The following EIF4G3 variants were observed in gnomAD, a reference collection of about 807,000 sequenced individuals.
EIF4G3 encodes the protein eukaryotic translation initiation factor 4 gamma 3, also known as eIF-4-gamma 3.
A neutral mutation model predicts 186.4 loss-of-function variants in EIF4G3; 34 were observed. That is an observed-to-expected ratio of 0.18 (90% CI 0.14 to 0.24). The LOEUF (loss-of-function observed/expected upper bound fraction) is 0.24. Ranked by LOEUF, EIF4G3 falls within the 10% of genes least tolerant of loss-of-function variation. The pLI is 1.00. For synonymous variants in EIF4G3, 673 were observed against 679.5 expected, an observed-to-expected ratio of 0.99 and a Z score of 0.15; for missense variants, 1,536 against 1,948.5, an observed-to-expected ratio of 0.79 and a Z score of 3.99.
intron 30 of EIF4G3, among the ~76,000 whole-genome samples, chr1:20,831,601 C>T (rs2065210143): frequency 8.2e-6 from 1 of 121,814 alleles, no homozygotes; most frequent in Admixed American, 8.1e-5. Flanking sequence ...TTCCAATCAT[C>T]TTACTTTTTC....
At chr1:21,095,689 T>A (rs1287212810) in intron 2 of EIF4G3, among the ~76,000 whole-genome samples, 2 of 152,186 alleles carry the variant, frequency 1.3e-5, no homozygotes, top group Non-Finnish European at 2.9e-5. Context: ...CTGGCTCTGA[T>A]TTTCTATTAA....
At chr1:21,119,588 C>A (rs942155027) in intron 2 of EIF4G3, among the ~76,000 whole-genome samples, 2 of 151,888 alleles carry the variant, frequency 1.3e-5, no homozygotes, top group African/African-American at 4.8e-5. Context: ...CTTTATTTGG[C>A]AAACAAAAAG....
intron 12 of EIF4G3, 55 bp from the exon 13 acceptor site, chr1:20,950,166 G>T (rs1410205838): frequency 7.4e-7 from 1 of 1,354,690 alleles, no homozygotes; most frequent in Middle Eastern, 1.9e-4. Context: ...ATAAAAACTA[G>T]CAACATGGAA....
intron 5 of EIF4G3, 49 bp from the exon 6 acceptor site, chr1:21,001,361 G>A (rs890471402): frequency 1.5e-5 from 7 of 469,940 alleles, no homozygotes; most frequent in Non-Finnish European, 2.6e-5. Flanking sequence ...CAGGTTCTGC[G>A]CCAGTTCTAA....
chr1:21,172,112 C>G (rs924059033), intron 2 of EIF4G3, among the ~76,000 whole-genome samples: 8 of 78,152 alleles, frequency 1.0e-4, no homozygotes, highest in African/African-American at 3.3e-4. Flanking sequence ...CTGGTACCTC[C>G]TCTAGCAAAA....
chr1:21,050,761 T>C (rs2094163081), intron 4 of EIF4G3, 105 bp downstream of exon 4: 9 of 620,400 alleles, frequency 1.5e-5, no homozygotes, highest in Admixed American at 3.4e-5. Context: ...TTGAAATTAC[T>C]ATACAAGTAA....
chr1:20,904,910 A>G lies in EIF4G3; in HGVS notation c.1725T>C (p.Thr575=), dbSNP rs1434505047. 3.1e-6 allele frequency: 5 copies of G among 1,613,994 alleles called. No homozygotes were observed. Among genetic ancestry groups the G allele is most frequent in the Non-Finnish European group, 3.4e-6 (4 of 1,179,942 alleles). The change falls in exon 15 of 37, where the codon ACT becomes ACC. Residue 575 remains threonine (T), a synonymous_variant. Coordinates refer to ENST00000602326, the MANE Select transcript of EIF4G3 (RefSeq NM_001391906.1). ...WKKPKDRTRT[T]EEMLEAELEL... Reference sequence around the variant, plus strand: ...CCAATTCTGCCTCTAACATCTCTTCAGTGGTTCGGGTCCGATCTTTTGGTT... The same window carrying G: ...CCAATTCTGCCTCTAACATCTCTTCGGTGGTTCGGGTCCGATCTTTTGGTT...
rs932410024 is a variant in EIF4G3, at chr1:20,882,322, T to C, written c.2425-2802A>G. Among the ~76,000 whole-genome samples the C allele has an allele frequency of 2.6e-5, 4 of 152,082 alleles. No homozygotes were observed. The East Asian group carries it at 7.7e-4, about 29-fold the overall frequency. ...GGCCAGGAGTTTGGGCAACACTGCC[T>C]CTAAAAAATTTTTAGGCCCAGGAGC... On this transcript the variant is annotated intron_variant, in intron 19 of 36. Transcript: ENST00000602326.
intron 34 of EIF4G3, among the ~76,000 whole-genome samples, chr1:20,817,005 GGT>G (rs1553180332): frequency 6.9e-6 from 1 of 144,664 alleles, no homozygotes; most frequent in Non-Finnish European, 1.5e-5. Flanking sequence ...GATTAAGGGC[GGT>G]GCAAGATGTG....
At chr1:20,813,953 T>TG (rs1236717814) in intron 34 of EIF4G3, among the ~76,000 whole-genome samples, 24 of 136,406 alleles carry the variant, frequency 1.8e-4, no homozygotes, top group Non-Finnish European at 2.7e-4. Context: ...CACTGTTTTT[T>TG]TTTTTTTTTT....
chr1:20,943,974 TTGTGTGTGTGTGTGTGTGTGTGTGTG>T (rs1163268356), intron 13 of EIF4G3, among the ~76,000 whole-genome samples: 1 of 62,468 alleles, frequency 1.6e-5, no homozygotes, highest in African/African-American at 5.5e-5. Flanking sequence ...TTTATTTTTT[TTGTGTGTGTGTGTGTGTGTGTGTGTG>T]TGTGTGTGTG....
intron 2 of EIF4G3, among the ~76,000 whole-genome samples, chr1:21,101,857 A>C (rs2096534394): frequency 6.6e-6 from 1 of 152,188 alleles, no homozygotes; most frequent in African/African-American, 2.4e-5. Flanking sequence ...ACTACAATAA[A>C]GTACACCCAG....
At chr1:20,978,112 T>C (rs2077214304) in intron 10 of EIF4G3, among the ~76,000 whole-genome samples, 1 of 152,202 alleles carries the variant, frequency 6.6e-6, no homozygotes, top group Admixed American at 6.5e-5. Flanking sequence ...TAAAAAATTC[T>C]AGATAGTAAC....
intron 2 of EIF4G3, among the ~76,000 whole-genome samples, chr1:21,091,072 T>G (rs1045765830): frequency 3.3e-5 from 5 of 152,228 alleles, no homozygotes; most frequent in African/African-American, 1.2e-4. Context: ...TTCACAAAGA[T>G]ACCGAACAGG....
chr1:20,869,546 C>T (rs1372226830), intron 20 of EIF4G3, among the ~76,000 whole-genome samples: 2 of 151,498 alleles, frequency 1.3e-5, no homozygotes, highest in East Asian at 1.9e-4. Flanking sequence ...GAAGCTGAGG[C>T]GGGTGGATCA....
At chr1:21,031,447 G>A (rs574826736) in intron 4 of EIF4G3, among the ~76,000 whole-genome samples, 1 of 150,348 alleles carries the variant, frequency 6.7e-6, no homozygotes, top group Non-Finnish European at 1.5e-5. Context: ...AAGGGTTGCA[G>A]GCAAACAACC....
chr1:21,104,846 T>C (rs2096586636), intron 2 of EIF4G3, among the ~76,000 whole-genome samples: 1 of 151,970 alleles, frequency 6.6e-6, no homozygotes, highest in Non-Finnish European at 1.5e-5. Context: ...AAAGAAAATG[T>C]GGTATATATA....
intron 11 of EIF4G3, 85 bp downstream of exon 11, chr1:20,972,917 G>C (rs1057372654): frequency 4.8e-6 from 5 of 1,037,842 alleles, no homozygotes; most frequent in Non-Finnish European, 6.8e-6. Flanking sequence ...TTTGTGAATT[G>C]AGATGAATAA....
chr1:21,078,987 A>C (rs1358351033), intron 3 of EIF4G3, among the ~76,000 whole-genome samples: 2 of 152,168 alleles, frequency 1.3e-5, no homozygotes, highest in Admixed American at 6.5e-5. Flanking sequence ...TCCATCTCAA[A>C]TAAATAAATA....
Sources: allele counts gnomAD v4.1 joint callset (sites outside exome capture counted in the v4.1 genomes callset), GRCh38; gene constraint gnomAD v4.1.1; transcripts MANE v1.5; gene names NCBI Gene and HGNC (gene_info 2026-07-23, HGNC 2026-07-21).